The following MATR3 variants were observed in gnomAD, a reference collection of about 807,000 sequenced individuals.
The protein encoded by MATR3 is matrin-3.
A neutral mutation model predicts 85.5 loss-of-function variants in MATR3; 4 were observed. That is an observed-to-expected ratio of 0.05 (90% confidence interval 0.02 to 0.11). The LOEUF (loss-of-function observed/expected upper bound fraction) is 0.11, where lower values mean the gene tolerates loss of function less well. Among genes scored for constraint, MATR3 ranks in the 10% least tolerant of loss-of-function variants. MATR3 has a pLI of 1.00. For synonymous variants in MATR3, 336 were observed against 343.1 expected (o/e 0.98, Z 0.23); for missense variants, 685 against 1,016.1 (o/e 0.67, Z 4.43).
chr5:139,318,037 T>C (rs1002127148), intron 7 of MATR3, among the ~76,000 whole-genome samples: 1 of 152,218 alleles, frequency 6.6e-6, no homozygotes, highest in Non-Finnish European at 1.5e-5. Flanking sequence ...TTTAGTCCAA[T>C]TGGCATAGTA....
chr5:139,315,331 A>C (rs982691744), intron 3 of MATR3: 15 of 244,912 alleles, frequency 6.1e-5, no homozygotes, highest in Admixed American at 3.1e-4. Context: ...TCACAACTCA[A>C]CTGTGCTCTT....
In MATR3 at chr5:139,319,495, A is replaced by G. The variant is rs778847184; in HGVS notation, c.1596A>G (p.Lys532=). The part of the protein sequence containing the change: ...KIKNYILMRM[K]SQAFIEMETR... ...AGAATTACATATTGATGAGGATGAA[A>G]AGTCAGGTAATATACATAAGGAAGT... Residue 532 remains lysine, a synonymous_variant, in exon 9 of 15, where the codon AAA becomes AAG. Transcript: ENST00000394805. The G allele has an allele frequency of 2.5e-5, 41 of 1,612,572 alleles. No homozygotes were observed. The highest frequency in any genetic ancestry group is 8.5e-7 in the Non-Finnish European group (1 of 1,179,232).
intron 8 of MATR3, 68 bp from the exon 9 acceptor site, chr5:139,319,266 A>G: frequency 6.8e-7 from 1 of 1,461,282 alleles, no homozygotes; most frequent in East Asian, 2.3e-5. Context: ...GGTAAAGACT[A>G]GGATGTTTTT....
chr5:139,296,741 G>C (rs1754175276), intron 1 of MATR3, among the ~76,000 whole-genome samples: 1 of 152,178 alleles, frequency 6.6e-6, no homozygotes, highest in African/African-American at 2.4e-5. Flanking sequence ...GTACTAATTA[G>C]CTTACAATAT....
At chr5:139,318,256 C>T (rs1163503144) in intron 7 of MATR3, among the ~76,000 whole-genome samples, 1 of 152,030 alleles carries the variant, frequency 6.6e-6, no homozygotes. Context: ...ACCTCAGCCT[C>T]CCAAGTAGCT....
intron 2 of MATR3, chr5:139,276,452 T>C (rs550980508): frequency 3.0e-6 from 1 of 334,354 alleles, no homozygotes; most frequent in African/African-American, 2.1e-5. Flanking sequence ...AAAAAAAAAT[T>C]GCCAAAAATA....
intron 4 of MATR3, 141 bp downstream of exon 4, chr5:139,315,879 A>G: frequency 1.2e-6 from 1 of 819,206 alleles, no homozygotes; most frequent in East Asian, 2.6e-5. Flanking sequence ...ACTTTGGTTA[A>G]CAATTTTTAG....
At chr5:139,324,278 C>T (rs1423224292) in intron 12 of MATR3, among the ~76,000 whole-genome samples, 3 of 146,618 alleles carry the variant, frequency 2.0e-5, no homozygotes, top group Non-Finnish European at 4.5e-5. Flanking sequence ...AGTCATTCTT[C>T]AGAGCATGAT....
At chr5:139,329,182 A>G (rs1756005571) in intron 14 of MATR3, among the ~76,000 whole-genome samples, 163 bp from the exon 15 acceptor site, 1 of 152,132 alleles carries the variant, frequency 6.6e-6, no homozygotes, top group Admixed American at 6.6e-5. Flanking sequence ...TAATGTCCTG[A>G]AAGTTTTTGT....
At chr5:139,300,370 CAA>C (rs1754377039) in intron 1 of MATR3, among the ~76,000 whole-genome samples, 1 of 152,044 alleles carries the variant, frequency 6.6e-6, no homozygotes, top group African/African-American at 2.4e-5. Flanking sequence ...GTCTCAAAAA[CAA>C]AAGTTACTAC....
chr5:139,313,480 TAA>T (rs1755097764), intron 2 of MATR3: 1 of 152,202 alleles, frequency 6.6e-6, no homozygotes, highest in Non-Finnish European at 1.5e-5. Context: ...CACATCTTTG[TAA>T]TTTGGGAGTG....
chr5:139,316,207 T>C lies in MATR3; in HGVS notation c.1129+19T>C, dbSNP rs147540944. 45 of 1,568,686 alleles carry C rather than the reference T, an allele frequency of 2.9e-5. No homozygotes were observed. Among genetic ancestry groups the C allele is most frequent in the Non-Finnish European group, 3.9e-5 (44 of 1,139,104 alleles). On this transcript the variant is annotated intron_variant, in intron 5 of 14. Coordinates refer to ENST00000394805, the MANE Select transcript of MATR3 (RefSeq NM_018834.6). ...AATCTGGGTAATTATATAAAATTCA[T>C]GTTACTTTTCCCTACAGAGCCGTTA...
At chr5:139,315,416 CG>C in intron 3 of MATR3, 1 of 356,216 alleles carries the variant, frequency 2.8e-6, no homozygotes, top group South Asian at 3.1e-5. Flanking sequence ...ATTCTTTGTG[CG>C]GCACTTCCTC....
intron 1 of MATR3, among the ~76,000 whole-genome samples, chr5:139,296,111 CTG>C (rs1340076114): frequency 6.6e-6 from 1 of 152,182 alleles, no homozygotes; most frequent in Non-Finnish European, 1.5e-5. Context: ...AATGGAAAGA[CTG>C]TGCGTACAGG....
intron 5 of MATR3, 93 bp downstream of exon 5, chr5:139,316,281 T>C: frequency 1.1e-6 from 1 of 949,608 alleles, no homozygotes; most frequent in South Asian, 1.4e-5. Flanking sequence ...GTTTTGCTCT[T>C]ATCGCCCAGG....
At chr5:139,316,437 G>A (rs2151986126) in intron 5 of MATR3, among the ~76,000 whole-genome samples, 1 of 152,124 alleles carries the variant, frequency 6.6e-6, no homozygotes, top group African/African-American at 2.4e-5. Context: ...GTAGAGACGG[G>A]GTTTCACCGC....
upstream of MATR3, among the ~76,000 whole-genome samples, chr5:139,289,327 G>A (rs890216575): frequency 6.6e-6 from 1 of 152,100 alleles, no homozygotes; most frequent in Non-Finnish European, 1.5e-5. Context: ...GCTGAGGAAG[G>A]AGGATAGCTT....
intron 1 of MATR3, among the ~76,000 whole-genome samples, chr5:139,306,654 T>G (rs191198018): frequency 3.3e-5 from 5 of 152,350 alleles, no homozygotes; most frequent in African/African-American, 1.2e-4. Context: ...TGACTTATTT[T>G]TCTTATTCAC....
upstream of MATR3, among the ~76,000 whole-genome samples, chr5:139,288,807 AT>A (rs996350899): frequency 4.6e-5 from 7 of 151,506 alleles, no homozygotes; most frequent in African/African-American, 1.7e-4. Context: ...CGCCCAGCTA[AT>A]TTTTTTTGTA....
Sources: allele counts gnomAD v4.1 joint callset (sites outside exome capture counted in the v4.1 genomes callset), GRCh38; gene constraint gnomAD v4.1.1; transcripts MANE v1.5; gene names NCBI Gene and HGNC (gene_info 2026-07-23, HGNC 2026-07-21).